The following AFF1 variants were observed in gnomAD, a reference collection of about 807,000 sequenced individuals.
AFF1 encodes ALF transcription elongation factor 1.
AFF1 carries 48 observed loss-of-function variants against 121.7 expected under a neutral mutation model. The ratio of observed to expected loss-of-function variants is 0.39; its 90% CI spans 0.31 to 0.50. The LOEUF is 0.50. Ranked by LOEUF, AFF1 falls within the 20% of genes least tolerant of loss-of-function variation. The probability of loss-of-function intolerance (pLI) is 0.76; values close to 1 mark genes in which losing one functional copy is unlikely to be tolerated. For synonymous variants in AFF1, 613 were observed against 563.0 expected (o/e 1.09, Z -1.26); for missense variants, 1,523 against 1,511.7 (o/e 1.01, Z -0.12).
chr4:87,029,375 T>C (rs1003800331), intron 2 of AFF1, among the ~76,000 whole-genome samples: 13 of 152,216 alleles, frequency 8.5e-5, no homozygotes, highest in Admixed American at 4.6e-4. Flanking sequence ...TTATGAAGAC[T>C]GTCAACCTGT....
intron 2 of AFF1, chr4:86,950,161 G>A (rs538842529): frequency 7.0e-7 from 1 of 1,438,260 alleles, no homozygotes; most frequent in Non-Finnish European, 9.8e-7. Flanking sequence ...GGCAGATGCT[G>A]CCCATGTCTC....
chr4:86,995,886 C>T (rs1202674321), intron 2 of AFF1, among the ~76,000 whole-genome samples: 78 of 152,058 alleles, frequency 5.1e-4, no homozygotes, highest in Non-Finnish European at 8.5e-4. Flanking sequence ...TGCCCGGCCG[C>T]CCATCGTCTG....
rs142521567 is a variant in AFF1 at position 87,033,485 on chromosome 4, C to T, written c.39-12681C>T. Among the ~76,000 whole-genome samples, 593 of 152,282 alleles carry T rather than the reference C, an allele frequency of 3.9e-3. 1 individual carries two copies. Among genetic ancestry groups the T allele is most frequent in the African/African-American group, 0.013 (555 of 41,558 alleles). On this transcript the variant is annotated intron_variant, in intron 2 of 20. Coordinates refer to ENST00000395146, the MANE Select transcript of AFF1 (RefSeq NM_001166693.3). ...GGTAAATCCTGTCCTGTGTTCCAAGCTGTTCTATAGAATGTACCTCATTCA... is the reference window on the plus strand; with the variant it reads ...GGTAAATCCTGTCCTGTGTTCCAAGTTGTTCTATAGAATGTACCTCATTCA...
Position 87,047,198 on chromosome 4 carries a change from A to G in AFF1, c.663A>G (p.Ile221Met), listed in dbSNP as rs140358951. ...LPSPVPPLSPIHSNQQTLPRT... is the reference protein window; with the variant it reads ...LPSPVPPLSPMHSNQQTLPRT... ...CCCCAGTTCCCCCTTTGTCACCTATACATTCCAACCAGCAAACTCTTCCCC... is the reference window on the plus strand; with the variant it reads ...CCCCAGTTCCCCCTTTGTCACCTATGCATTCCAACCAGCAAACTCTTCCCC... The change falls in exon 4 of 21, where the codon ATA becomes ATG. Residue 221 changes from isoleucine (I) to methionine (M), a missense_variant. By Grantham distance (10) the Ile-to-Met change is conservative (BLOSUM62 1). Transcript: ENST00000395146. 4.8e-4 allele frequency: 782 copies of G among 1,614,058 alleles called. 4 individuals are homozygous for G. In the African/African-American group the frequency reaches 9.5e-3, roughly 20 times the overall value.
Position 87,046,900 on chromosome 4 carries a change from C to G in AFF1, c.365C>G (p.Ser122Cys), listed in dbSNP as rs2149614318. ...SSFHTSVHHQSIHTPASGPLS... is the reference protein window; with the variant it reads ...SSFHTSVHHQCIHTPASGPLS... ...TTCCACACTAGTGTCCACCACCAGT[C>G]CATTCACACTCCTGCGTCTGGACCA... Residue 122 changes from serine (S) to cysteine (C), a missense_variant, in exon 4 of 21, where the codon TCC becomes TGC. This residue lies in a region of AFF1 where 369 missense variants were observed against 367.2 expected (regional missense o/e 1.00). Coordinates refer to ENST00000395146, the MANE Select transcript of AFF1 (RefSeq NM_001166693.3). The G allele has an allele frequency of 6.2e-7, 1 of 1,614,214 alleles. No homozygotes were observed. Among genetic ancestry groups the G allele is most frequent in the East Asian group, 2.2e-5 (1 of 44,886 alleles).
At chr4:86,945,784 G>A (rs1218748017) in intron 1 of AFF1, among the ~76,000 whole-genome samples, 1 of 152,024 alleles carries the variant, frequency 6.6e-6, no homozygotes, top group Non-Finnish European at 1.5e-5. Context: ...GAGCCACCAT[G>A]CTTGGCCCAT....
At chr4:87,082,180 C>G (rs1471148185) in intron 4 of AFF1, among the ~76,000 whole-genome samples, 1 of 152,172 alleles carries the variant, frequency 6.6e-6, no homozygotes, top group African/African-American at 2.4e-5. Context: ...TCAGCACAGT[C>G]ATGTGCTTGT....
intron 11 of AFF1, 128 bp downstream of exon 11, chr4:87,108,443 C>A (rs1578264740): frequency 1.0e-6 from 1 of 1,004,984 alleles, no homozygotes; most frequent in East Asian, 2.7e-5. Context: ...CAATGCTTTC[C>A]TGCTCCTATG....
intron 4 of AFF1, among the ~76,000 whole-genome samples, chr4:87,062,057 C>T (rs1720841291): frequency 6.6e-6 from 1 of 152,090 alleles, no homozygotes. Flanking sequence ...GACGGCTGTT[C>T]CCAAAACTGT....
intron 2 of AFF1, among the ~76,000 whole-genome samples, chr4:86,980,160 C>T (rs1458090226): frequency 6.6e-6 from 1 of 152,202 alleles, no homozygotes; most frequent in Non-Finnish European, 1.5e-5. Flanking sequence ...ATCCACCTGC[C>T]TCTGCCTCCT....
At chr4:86,995,977 G>C (rs977045346) in intron 2 of AFF1, among the ~76,000 whole-genome samples, 6 of 118,496 alleles carry the variant, frequency 5.1e-5, no homozygotes, top group African/African-American at 1.3e-4. Flanking sequence ...TCTGAGAAGT[G>C]AGGAGCCCCT....
At chr4:86,958,069 C>G (rs56295614) in intron 2 of AFF1, among the ~76,000 whole-genome samples, 1 of 148,308 alleles carries the variant, frequency 6.7e-6, no homozygotes, top group African/African-American at 2.5e-5. Context: ...TAGTCTATCT[C>G]TGAACTTTTT....
chr4:87,033,134 C>G (rs1420364516), intron 2 of AFF1, among the ~76,000 whole-genome samples: 1 of 152,132 alleles, frequency 6.6e-6, no homozygotes, highest in Non-Finnish European at 1.5e-5. Context: ...TAGTGAGACC[C>G]TGTCTCAAAA....
chr4:86,951,966 CA>C (rs1306622939), intron 2 of AFF1, among the ~76,000 whole-genome samples: 1 of 148,406 alleles, frequency 6.7e-6, no homozygotes, highest in Non-Finnish European at 1.5e-5. Flanking sequence ...ATTGTTTCAT[CA>C]TTTTTTATTA....
intron 11 of AFF1, among the ~76,000 whole-genome samples, chr4:87,108,588 C>A (rs1726163785): frequency 1.3e-5 from 2 of 152,310 alleles, no homozygotes; most frequent in South Asian, 2.1e-4. Context: ...TTTTGAAGAT[C>A]AACTCATTAA....
intron 2 of AFF1, among the ~76,000 whole-genome samples, chr4:86,957,654 T>C (rs1316911905): frequency 6.6e-6 from 1 of 152,162 alleles, no homozygotes; most frequent in Non-Finnish European, 1.5e-5. Flanking sequence ...GCAATTCTCC[T>C]GCCCCAGCCT....
intron 16 of AFF1, 53 bp downstream of exon 16, chr4:87,127,756 A>T: frequency 5.0e-6 from 8 of 1,587,854 alleles, no homozygotes; most frequent in South Asian, 1.1e-5. Flanking sequence ...TAGTAAAAAA[A>T]ATTTTTGGTA....
chr4:87,046,048 T>G, intron 2 of AFF1, 118 bp from the exon 3 acceptor site: 1 of 1,251,814 alleles, frequency 8.0e-7, no homozygotes, highest in Non-Finnish European at 1.1e-6. Flanking sequence ...ATCACAGCCG[T>G]CATCACTGCT....
chr4:87,023,057 C>T (rs1728187986), intron 2 of AFF1, among the ~76,000 whole-genome samples: 1 of 151,966 alleles, frequency 6.6e-6, no homozygotes, highest in Admixed American at 6.6e-5. Context: ...CAGGCACACA[C>T]CACCATGCCC....
Sources: gnomAD v4.1 joint callset for allele counts (sites outside exome capture counted in the v4.1 genomes callset) on GRCh38, gnomAD v4.1.1 for gene constraint, gnomAD v4.1.1 regional missense constraint, MANE v1.5 for transcripts, NCBI Gene and HGNC (gene_info 2026-07-23, HGNC 2026-07-21) for gene names.